The following DOCK7 variants were observed in gnomAD, a reference collection of about 807,000 sequenced individuals.
DOCK7 encodes dedicator of cytokinesis protein 7.
In DOCK7, 138 loss-of-function variants were observed where a neutral mutation model predicts 271.0. That is an observed-to-expected ratio of 0.51 (90% CI 0.44 to 0.59). DOCK7 has a LOEUF of 0.59. DOCK7 is among the 20% of genes least tolerant of loss of function. The probability of loss-of-function intolerance (pLI) is 0.00; values close to 1 mark genes in which losing one functional copy is unlikely to be tolerated. For synonymous variants in DOCK7, 823 were observed against 876.1 expected, an observed-to-expected ratio of 0.94 and a Z score of 1.07; for missense variants, 2,066 against 2,592.4, an observed-to-expected ratio of 0.80 and a Z score of 4.41.
At chr1:62,540,027 T>C in intron 25 of DOCK7, 135 bp from the exon 26 acceptor site, 1 of 558,580 alleles carries the variant, frequency 1.8e-6, no homozygotes, top group Non-Finnish European at 2.9e-6. Flanking sequence ...TTCTCAAATA[T>C]TTTTTAAAGT....
chr1:62,648,018 T>C lies in DOCK7; in HGVS notation c.732+88A>G, dbSNP rs1168088. ...TACAGCTGTTTCAGTTGCTTTATCC[T>C]CTACATTTTGTAATACTATATATCA... On this transcript the variant is annotated intron_variant, in intron 6 of 49. Coordinates refer to ENST00000635253, the MANE Select transcript of DOCK7 (RefSeq NM_001367561.1). 1,269,620 of 1,273,734 alleles carry C rather than the reference T, an allele frequency of 1. 632,845 individuals are homozygous for C. Among genetic ancestry groups the C allele is most frequent in the East Asian group, 1 (42,658 of 42,658 alleles). 78.9% of individuals were successfully genotyped at this position (1,273,734 alleles called of 1,614,324 possible).
At chr1:62,591,554 CA>C (rs1239407162) in intron 14 of DOCK7, among the ~76,000 whole-genome samples, 3 of 151,950 alleles carry the variant, frequency 2.0e-5, no homozygotes, top group African/African-American at 7.2e-5. Context: ...AAGAAAAACT[CA>C]AAAAAATCTG....
At chr1:62,455,551 A>G (rs1309479019) in intron 49 of DOCK7, 95 bp from the exon 50 acceptor site, 11 of 1,198,332 alleles carry the variant, frequency 9.2e-6, no homozygotes, top group South Asian at 7.8e-5. Context: ...CAGTTACCTT[A>G]AAGTTTTGCC....
At chr1:62,612,490 C>G (rs1031258283) in intron 14 of DOCK7, among the ~76,000 whole-genome samples, 5 of 151,914 alleles carry the variant, frequency 3.3e-5, no homozygotes, top group African/African-American at 4.8e-5. Flanking sequence ...CACACGTATA[C>G]CTATGTAACA....
At chr1:62,622,160 G>A (rs1349052141) in intron 12 of DOCK7, among the ~76,000 whole-genome samples, 2 of 152,176 alleles carry the variant, frequency 1.3e-5, no homozygotes, top group African/African-American at 4.8e-5. Context: ...GAAGATGACA[G>A]TAGAATTTGA....
At chr1:62,467,024 C>T (rs1348122074) in intron 48 of DOCK7, among the ~76,000 whole-genome samples, 2 of 152,048 alleles carry the variant, frequency 1.3e-5, no homozygotes, top group East Asian at 3.8e-4. Flanking sequence ...GTCGTAAGGA[C>T]CTATAAGGCT....
chr1:62,534,004 CT>C (rs11327850), intron 29 of DOCK7, among the ~76,000 whole-genome samples: 57,718 of 149,358 alleles, frequency 0.39, 11,789 homozygotes, highest in African/African-American at 0.55. Context: ...ACACATCAAG[CT>C]TTTTTTTTTT....
At chr1:62,540,853 A>T (rs1645505586) in intron 25 of DOCK7, among the ~76,000 whole-genome samples, 1 of 110,406 alleles carries the variant, frequency 9.1e-6, no homozygotes, top group South Asian at 3.8e-4. Context: ...AAACGGTGAA[A>T]ATTACAATTT....
intron 14 of DOCK7, chr1:62,598,134 A>G: frequency 7.3e-7 from 1 of 1,363,142 alleles, no homozygotes; most frequent in Non-Finnish European, 9.8e-7. Flanking sequence ...TTTCTAAGGC[A>G]TGCCATTTGA....
At chr1:62,456,210 G>A (rs1645343390) in intron 49 of DOCK7, among the ~76,000 whole-genome samples, 1 of 152,176 alleles carries the variant, frequency 6.6e-6, no homozygotes, top group Non-Finnish European at 1.5e-5. Flanking sequence ...TCCTGAAAGG[G>A]TCTTAGGGAC....
intron 48 of DOCK7, among the ~76,000 whole-genome samples, chr1:62,466,498 T>G (rs961431947): frequency 3.3e-5 from 5 of 152,222 alleles, no homozygotes; most frequent in African/African-American, 1.2e-4. Context: ...CCATGGGTGC[T>G]TTGTCCATGA....
intron 37 of DOCK7, among the ~76,000 whole-genome samples, chr1:62,499,758 AG>A (rs1229256151): frequency 6.6e-6 from 1 of 152,076 alleles, no homozygotes. Context: ...GTGTGCCTAT[AG>A]CCCCAGCTAC....
rs565815254 is a variant in DOCK7, at chr1:62,611,030, C to A, written c.1682+7676G>T. Among the ~76,000 whole-genome samples the A allele has an allele frequency of 4.6e-5, 7 of 152,108 alleles. No homozygotes were observed. The East Asian group carries it at 9.6e-4, about 21-fold the overall frequency. On this transcript the variant is annotated intron_variant, in intron 14 of 49. Coordinates refer to ENST00000635253, the MANE Select transcript of DOCK7 (RefSeq NM_001367561.1). ...TTCTAGTTCTAGTTCCTTGAGGAAT[C>A]GCCACACTGTCTTCCACAATGGTTG... is the stretch of plus-strand genomic sequence containing the variant.
intron 1 of DOCK7, among the ~76,000 whole-genome samples, chr1:62,680,352 T>C (rs1264009370): frequency 1.3e-5 from 2 of 152,188 alleles, no homozygotes; most frequent in African/African-American, 4.8e-5. Context: ...AAGCTGAAAC[T>C]GGATCCCTTC....
In DOCK7 at chr1:62,602,539, T is replaced by C. The variant is rs149540309; in HGVS notation, c.1683-15915A>G. The stretch of plus-strand genomic sequence containing the variant: ...AAACAATTACACATTTGTTAGTAAA[T>C]TACACTTATTACAACTGTTATTATT... On this transcript the variant is annotated intron_variant, in intron 14 of 49. Coordinates refer to ENST00000635253, the MANE Select transcript of DOCK7 (RefSeq NM_001367561.1). Among the ~76,000 whole-genome samples the C allele has an allele frequency of 2.4e-3, 368 of 151,892 alleles. 2 individuals carry two copies. Among genetic ancestry groups the C allele is most frequent in the Non-Finnish European group, 3.0e-3 (200 of 67,704 alleles).
intron 41 of DOCK7, 120 bp from the exon 42 acceptor site, chr1:62,489,185 C>T (rs1172592393): frequency 4.0e-5 from 38 of 943,610 alleles, no homozygotes; most frequent in Non-Finnish European, 5.2e-5. Flanking sequence ...CGCAGTGGCT[C>T]ACACCTGTAA....
intron 14 of DOCK7, among the ~76,000 whole-genome samples, chr1:62,616,278 A>C (rs1403257779): frequency 6.6e-6 from 1 of 151,750 alleles, no homozygotes; most frequent in Non-Finnish European, 1.5e-5. Flanking sequence ...GTTCTGTAAC[A>C]TGTCTGGATT....
Position 62,524,146 on chromosome 1 carries a change from G to A in DOCK7, c.3936+4005C>T, listed in dbSNP as rs184059346. Among the ~76,000 whole-genome samples the A allele has an allele frequency of 1.1e-3, 160 of 152,216 alleles. 3 individuals carry two copies. In the South Asian group the frequency reaches 0.019, roughly 18 times the overall value. On this transcript the variant is annotated intron_variant, in intron 31 of 49. Transcript: ENST00000635253. ...AAAGTGCACACCGCACAAGTCTTCGGGGAAATACAAGCTAAAATGAGATTC... is the reference window on the plus strand; with the variant it reads ...AAAGTGCACACCGCACAAGTCTTCGAGGAAATACAAGCTAAAATGAGATTC...
intron 31 of DOCK7, among the ~76,000 whole-genome samples, chr1:62,526,019 C>A (rs1644996111): frequency 6.6e-6 from 1 of 152,174 alleles, no homozygotes; most frequent in East Asian, 1.9e-4. Context: ...TCACTGCAAC[C>A]TCCACCTCCC....
Sources: allele counts gnomAD v4.1 joint callset (sites outside exome capture counted in the v4.1 genomes callset), GRCh38; gene constraint gnomAD v4.1.1; transcripts MANE v1.5; gene names NCBI Gene and HGNC (gene_info 2026-07-23, HGNC 2026-07-21).